Variants in CSMD3 observed in about 807,000 individuals in gnomAD.
CSMD3 encodes the protein CUB and sushi domain-containing protein 3.
CSMD3 carries 177 observed loss-of-function variants against 435.2 expected under a neutral mutation model. The observed-to-expected ratio is 0.41, with a 90% CI of 0.36 to 0.46. CSMD3 has a LOEUF of 0.46. Ranked by LOEUF, CSMD3 falls within the 20% of genes least tolerant of loss-of-function variation. The pLI is 0.34. For missense variants in CSMD3, 4,265 were observed against 4,504.6 expected (o/e 0.95, Z 1.52); for synonymous variants, 1,656 against 1,520.5 (o/e 1.09, Z -2.07).
chr8:112,595,018 T>C (rs1319899232), intron 22 of CSMD3, among the ~76,000 whole-genome samples: 6 of 152,152 alleles, frequency 3.9e-5, no homozygotes, highest in Non-Finnish European at 7.3e-5. Context: ...GAATGGAGAA[T>C]GACTTTGACG....
In CSMD3 at chr8:113,173,971, G is replaced by A; in HGVS notation, c.515-55C>T. The A allele has an allele frequency of 3.2e-6, 4 of 1,256,496 alleles. No individual in the cohort carries two copies. In the South Asian group the frequency reaches 4.8e-5, roughly 15 times the overall value. 77.8% of individuals were successfully genotyped at this position (1,256,496 alleles called of 1,614,324 possible). A position where few individuals can be genotyped will look rare whatever the true frequency, so the allele number is the denominator to read the frequency against. On this transcript the variant is annotated intron_variant, in intron 3 of 70. Coordinates refer to ENST00000297405, the MANE Select transcript of CSMD3 (RefSeq NM_198123.2). ...CAGTTATTTCAATAAGCAGTTTATT[G>A]TTTTAGATGTATAAAATTATATATG...
chr8:113,265,278 T>A (rs2093460328), intron 3 of CSMD3, among the ~76,000 whole-genome samples: 1 of 151,464 alleles, frequency 6.6e-6, no homozygotes, highest in Non-Finnish European at 1.5e-5. Context: ...GTGAAGTGTG[T>A]GCAGGGTGTT....
chr8:112,765,991 G>T lies in CSMD3; in HGVS notation c.1972+34171C>A, dbSNP rs1315152180. On this transcript the variant is annotated intron_variant, in intron 13 of 70. Transcript: ENST00000297405. ...AGTGTTTAGTTTCTTTTATGCCTCA[G>T]AGCTAACCTTCCCCATACTGCTCTC... Among the ~76,000 whole-genome samples, 6 of 151,694 alleles carry T rather than the reference G, an allele frequency of 4.0e-5. No homozygotes were observed. In the East Asian group the frequency reaches 1.2e-3, roughly 30 times the overall value.
At chr8:112,697,622 T>A (rs956586411) in intron 13 of CSMD3, among the ~76,000 whole-genome samples, 15 of 151,632 alleles carry the variant, frequency 9.9e-5, no homozygotes, top group Middle Eastern at 3.2e-3. Flanking sequence ...TAGCATTAGG[T>A]GATACACCTA....
chr8:113,353,852 T>A (rs906016937), intron 1 of CSMD3, among the ~76,000 whole-genome samples: 1 of 152,174 alleles, frequency 6.6e-6, no homozygotes, highest in African/African-American at 2.4e-5. Context: ...CTGAAGTGCA[T>A]CTTTTAAGAA....
intron 3 of CSMD3, among the ~76,000 whole-genome samples, chr8:113,238,402 T>C (rs1222256803): frequency 1.3e-5 from 2 of 152,090 alleles, no homozygotes; most frequent in East Asian, 3.9e-4. Context: ...GTTAGACCAG[T>C]TGAATTTTGG....
intron 35 of CSMD3, among the ~76,000 whole-genome samples, chr8:112,397,609 T>C (rs1382544527): frequency 6.6e-6 from 1 of 152,186 alleles, no homozygotes; most frequent in East Asian, 1.9e-4. Flanking sequence ...TCCTGGATTA[T>C]ATACGACCGT....
At chr8:113,385,797 G>C (rs986572777) in intron 1 of CSMD3, among the ~76,000 whole-genome samples, 1 of 152,042 alleles carries the variant, frequency 6.6e-6, no homozygotes, top group African/African-American at 2.4e-5. Flanking sequence ...GGGATGGAGA[G>C]AGAAAAGAAG....
At chr8:113,112,386 CATATATATATATATATATATATATATAT>C (rs56256676) in intron 4 of CSMD3, among the ~76,000 whole-genome samples, 3,127 of 74,848 alleles carry the variant, frequency 0.042, 199 homozygotes, top group East Asian at 0.14. Context: ...CCCAATAAAA[CATATATATATATATATATATATATATAT>C]ATATATATAT....
intron 13 of CSMD3, among the ~76,000 whole-genome samples, chr8:112,786,420 T>C (rs1490420217): frequency 6.6e-6 from 1 of 152,022 alleles, no homozygotes; most frequent in African/African-American, 2.4e-5. Flanking sequence ...AAGGGACAAA[T>C]GAAATTATGT....
Position 112,231,593 on chromosome 8 carries a change from C to T in CSMD3, c.10780G>A (p.Gly3594Arg). ...EPDGATYVFQGFIQGKDYGQF... is the reference protein window; with the variant it reads ...EPDGATYVFQRFIQGKDYGQF... ...CCATAATCTTTGCCTTGAATAAATCCTTGAAATACATAAGTAGCTCCATCA... is the reference window on the plus strand; with the variant it reads ...CCATAATCTTTGCCTTGAATAAATCTTTGAAATACATAAGTAGCTCCATCA... Residue 3594 changes from glycine to arginine, a missense_variant, in exon 69 of 71, where the codon GGA becomes AGA. By Grantham distance (125) the Gly-to-Arg change is moderately radical (BLOSUM62 -2). Transcript: ENST00000297405. The T allele has an allele frequency of 6.2e-7, 1 of 1,612,490 alleles. No individual in the cohort carries two copies. Among genetic ancestry groups the T allele is most frequent in the South Asian group, 1.1e-5 (1 of 91,050 alleles).
At chr8:112,462,354 C>T (rs1407467520) in intron 32 of CSMD3, among the ~76,000 whole-genome samples, 1 of 152,218 alleles carries the variant, frequency 6.6e-6, no homozygotes, top group Non-Finnish European at 1.5e-5. Context: ...GTCATAACCA[C>T]TGTTTAAACA....
intron 10 of CSMD3, among the ~76,000 whole-genome samples, chr8:112,909,025 G>T (rs2082336086): frequency 1.3e-5 from 2 of 151,254 alleles, no homozygotes; most frequent in Non-Finnish European, 3.0e-5. Context: ...AGGTTTTCTT[G>T]TCTTTTTTTT....
At chr8:113,066,544 T>C (rs1361070584) in intron 5 of CSMD3, among the ~76,000 whole-genome samples, 1 of 152,152 alleles carries the variant, frequency 6.6e-6, no homozygotes, top group South Asian at 2.1e-4. Flanking sequence ...AATTTCTGCC[T>C]TTTAAATTAA....
chr8:113,079,402 G>A (rs566556513), intron 5 of CSMD3, among the ~76,000 whole-genome samples: 53 of 151,880 alleles, frequency 3.5e-4, no homozygotes, highest in African/African-American at 1.2e-3. Context: ...ACAATGACTG[G>A]AACAATTTTC....
intron 27 of CSMD3, among the ~76,000 whole-genome samples, chr8:112,537,205 G>A (rs970010479): frequency 3.3e-5 from 5 of 151,330 alleles, no homozygotes; most frequent in Non-Finnish European, 7.4e-5. Context: ...CTTGAAAAAA[G>A]GAAATGTAAA....
chr8:112,366,212 T>A lies in CSMD3; in HGVS notation c.6137-13678A>T, dbSNP rs536244119. Among the ~76,000 whole-genome samples, 47 of 152,292 alleles carry A rather than the reference T, an allele frequency of 3.1e-4. 1 individual carries two copies. The South Asian group carries it at 9.7e-3, about 32-fold the overall frequency. On this transcript the variant is annotated intron_variant, in intron 38 of 70. Transcript: ENST00000297405. ...AGTTCAAGGCATTCTGCTGGTTGAC[T>A]TTCTGGAGAAACCAAGGAAAATACT...
At chr8:113,269,634 A>G (rs1308632839) in intron 3 of CSMD3, among the ~76,000 whole-genome samples, 3 of 152,120 alleles carry the variant, frequency 2.0e-5, no homozygotes, top group African/African-American at 7.2e-5. Context: ...GGAACAGAAC[A>G]GAGCCCTCAG....
intron 13 of CSMD3, among the ~76,000 whole-genome samples, chr8:112,716,386 AAGG>A (rs1325136765): frequency 1.3e-5 from 2 of 152,214 alleles, no homozygotes; most frequent in African/African-American, 4.8e-5. Context: ...GGACTTCTTC[AAGG>A]AGAACTACAA....
Sources: allele counts gnomAD v4.1 joint callset (sites outside exome capture counted in the v4.1 genomes callset), GRCh38; gene constraint gnomAD v4.1.1; transcripts MANE v1.5; gene names NCBI Gene and HGNC (gene_info 2026-07-23, HGNC 2026-07-21).